ZBED6: variants seen among roughly 807,000 people sequenced by gnomAD.
ZBED6 encodes the protein zinc finger BED-type containing 6.
Under a neutral mutation model 58.4 loss-of-function variants are expected in ZBED6, and 40 were observed. The ratio of observed to expected loss-of-function variants is 0.68; its 90% confidence interval spans 0.53 to 0.89. The LOEUF is 0.89. ZBED6 is among the 40% of genes least tolerant of loss of function. The pLI, the probability that ZBED6 is intolerant of heterozygous loss-of-function variation, is 0.00. For missense variants in ZBED6, 1,057 were observed against 1,003.9 expected (o/e 1.05, Z -0.71); for synonymous variants, 439 against 350.6 (o/e 1.25, Z -2.82).
intron 7 of ZBED6, among the ~76,000 whole-genome samples, chr1:203,831,445 C>G (rs1682326271): frequency 6.6e-6 from 1 of 152,036 alleles, no homozygotes; most frequent in Admixed American, 6.6e-5. Flanking sequence ...CTAAGTCACT[C>G]AAAATAATTT....
intron 1 of ZBED6, among the ~76,000 whole-genome samples, chr1:203,805,276 C>T (rs963094891): frequency 4.0e-5 from 6 of 151,060 alleles, no homozygotes; most frequent in Non-Finnish European, 8.8e-5. Context: ...GGACTACAGG[C>T]GCCCGCCACC....
Position 203,796,648 on chromosome 1 carries a change from AT to A in ZBED6, c.-874del, listed in dbSNP as rs1361660917. ...GGGAAGGGGAGGGATCAATCGAAAA[AT>A]GGAAGTGGTTTAAAGTTCATATTTC... is the stretch of plus-strand genomic sequence containing the variant. On this transcript the variant is annotated 5_prime_UTR_variant, in exon 1 of 17. The change abolishes an upstream ATG in the 5' untranslated region. Coordinates refer to ENST00000550078, the Ensembl canonical transcript of ZBED6. The A allele has an allele frequency of 2.5e-6, 1 of 392,978 alleles. No homozygotes were observed. Among genetic ancestry groups the A allele is most frequent in the Non-Finnish European group, 4.5e-6 (1 of 222,946 alleles). 24.3% of individuals were successfully genotyped at this position (392,978 alleles called of 1,614,324 possible).
exon 10 of ZBED6, chr1:203,838,013 G>A (rs1572255503): frequency 1.2e-6 from 2 of 1,614,198 alleles, no homozygotes; most frequent in Non-Finnish European, 1.7e-6. Flanking sequence ...ACAGAGGCTA[G>A]GGAAGAAAGT....
At chr1:203,803,343 C>T (rs1305145763) in intron 1 of ZBED6, among the ~76,000 whole-genome samples, 3 of 152,012 alleles carry the variant, frequency 2.0e-5, no homozygotes. Context: ...AGATGTGCAC[C>T]ACTACACCGG....
chr1:203,818,793 AG>A lies in ZBED6; in HGVS notation c.*2873+105del, dbSNP rs894327896. 4.6e-6 allele frequency: 7 copies of A among 1,537,314 alleles called. No homozygotes were observed. In the African/African-American group the frequency reaches 9.7e-5, roughly 21 times the overall value. On this transcript the variant is annotated intron_variant, in intron 3 of 16. Transcript: ENST00000550078. ...ACTTTTAAAAAATATATTAAGGCTG[AG>A]TGCAGTGGCTCATGCCTGTAGTTCC...
intron 12 of ZBED6, 138 bp from the exon 13 acceptor site, chr1:203,848,193 A>C (rs565908080): frequency 1.4e-6 from 1 of 727,752 alleles, no homozygotes; most frequent in African/African-American, 1.8e-5. Context: ...TTGAGACTTT[A>C]GGAGCACAGA....
At chr1:203,802,643 ATTG>A (rs2102442025) in exon 1 of ZBED6, 1 of 150,402 alleles carries the variant, frequency 6.6e-6, no homozygotes, top group African/African-American at 2.5e-5. Context: ...TTTAAATTAT[ATTG>A]TTCAGCTATG....
chr1:203,801,875 A>G (rs1376081120), exon 1 of ZBED6: 1 of 148,998 alleles, frequency 6.7e-6, no homozygotes, highest in Non-Finnish European at 1.5e-5. Context: ...TGAAATCTCA[A>G]CTCCAAAAGT....
At chr1:203,808,137 A>G (rs995736497) in intron 1 of ZBED6, among the ~76,000 whole-genome samples, 3 of 152,162 alleles carry the variant, frequency 2.0e-5, no homozygotes, top group African/African-American at 7.2e-5. Context: ...AAGTATAAGT[A>G]CATAGGTGAT....
At chr1:203,833,738 T>G in intron 8 of ZBED6, 53 bp from the exon 9 acceptor site, 1 of 1,539,674 alleles carries the variant, frequency 6.5e-7, no homozygotes, top group South Asian at 1.2e-5. Flanking sequence ...TAGTAGTTAC[T>G]GAATACAGAA....
intron 9 of ZBED6, among the ~76,000 whole-genome samples, chr1:203,837,319 A>G (rs865863422): frequency 1.3e-5 from 2 of 151,348 alleles, no homozygotes; most frequent in Non-Finnish European, 2.9e-5. Flanking sequence ...TCTTTTGTAC[A>G]TGAAGATTTT....
rs548922898 is a variant in ZBED6, at chr1:203,841,753, C to T, written c.*3741+1379C>T. ...GGCCGGGCAGAGGCGCCCCCCACCT[C>T]CCAGACGGGGCAGTGGCCGGGTGGA... On this transcript the variant is annotated intron_variant, in intron 11 of 16. Transcript: ENST00000550078. Among the ~76,000 whole-genome samples, 967 of 152,060 alleles carry T rather than the reference C, an allele frequency of 6.4e-3. 4 individuals are homozygous for T. Among genetic ancestry groups the T allele is most frequent in the Non-Finnish European group, 9.6e-3 (652 of 67,954 alleles).
intron 11 of ZBED6, 74 bp downstream of exon 11, chr1:203,840,448 A>G: frequency 6.9e-7 from 1 of 1,445,230 alleles, no homozygotes; most frequent in Admixed American, 2.1e-5. Flanking sequence ...TCTCAGATTT[A>G]CCTGTTGCTT....
chr1:203,852,951 G>T (rs548223993), exon 17 of ZBED6: 1 of 157,146 alleles, frequency 6.4e-6, no homozygotes, highest in Non-Finnish European at 1.4e-5. Flanking sequence ...AGCTCAGGAA[G>T]CCTGTAATGT....
intron 5 of ZBED6, 47 bp downstream of exon 5, chr1:203,829,701 A>G (rs1681631623): frequency 6.2e-7 from 1 of 1,605,346 alleles, no homozygotes; most frequent in Non-Finnish European, 8.5e-7. Flanking sequence ...ATAGGGTCTC[A>G]TAGTGAATTG....
At chr1:203,808,309 T>A (rs1673073702) in intron 1 of ZBED6, among the ~76,000 whole-genome samples, 1 of 152,216 alleles carries the variant, frequency 6.6e-6, no homozygotes, top group Non-Finnish European at 1.5e-5. Context: ...AGTCTAATAA[T>A]GTCAAGTCTG....
intron 9 of ZBED6, chr1:203,835,630 TAGCAGGAAGATTGC>T: frequency 6.0e-6 from 1 of 167,046 alleles, no homozygotes; most frequent in Non-Finnish European, 1.4e-5. Flanking sequence ...CCAATAGCAT[TAGCAGGAAGATTGC>T]TTTGGAATTT....
At chr1:203,829,229 T>G in intron 4 of ZBED6, 1 of 581,496 alleles carries the variant, frequency 1.7e-6, no homozygotes, top group Non-Finnish European at 3.1e-6. Context: ...GATTCTGTTT[T>G]GAGTGCCCAC....
chr1:203,833,666 C>G (rs1683243066), intron 8 of ZBED6, 125 bp from the exon 9 acceptor site: 2 of 525,342 alleles, frequency 3.8e-6, no homozygotes, highest in South Asian at 5.0e-5. Flanking sequence ...AGACTGAGAC[C>G]TGATTTTCAA....
Sources: gnomAD v4.1 joint callset for allele counts (sites outside exome capture counted in the v4.1 genomes callset) on GRCh38, gnomAD v4.1.1 for gene constraint, MANE v1.5 for transcripts, NCBI Gene and HGNC (gene_info 2026-07-23, HGNC 2026-07-21) for gene names.